RNGTT: variants seen among roughly 807,000 people sequenced by gnomAD.
RNGTT encodes RNA guanylyltransferase and 5'-phosphatase.
RNGTT carries 33 observed loss-of-function variants against 79.3 expected under a neutral mutation model. The observed-to-expected ratio is 0.42, with a 90% CI of 0.32 to 0.56. The LOEUF is 0.56. Ranked by LOEUF, RNGTT falls within the 20% of genes least tolerant of loss-of-function variation. RNGTT has a pLI of 0.17. For synonymous variants in RNGTT, 222 were observed against 235.9 expected, an observed-to-expected ratio of 0.94 and a Z score of 0.54; for missense variants, 497 against 739.1, an observed-to-expected ratio of 0.67 and a Z score of 3.80.
Position 88,614,275 on chromosome 6 carries a change from T to C in RNGTT, c.1627A>G (p.Met543Val), listed in dbSNP as rs774724568. 3.4e-5 allele frequency: 55 copies of C among 1,613,734 alleles called. No individual in the cohort carries two copies. Among genetic ancestry groups the C allele is most frequent in the Non-Finnish European group, 4.6e-5 (54 of 1,179,796 alleles). The stretch of plus-strand genomic sequence containing the variant: ...ACTGGTAAGTTGTCATACTCACCCA[T>C]GGCAGTGTTGTAGGCATTAGGAAAA... ...KSFPNAYNTA[M>V]AVCNSISNPV... The change falls in exon 15 of 16, where the codon ATG becomes GTG. Residue 543 changes from methionine (M) to valine (V), a missense_variant. Transcript: ENST00000369485.
At chr6:88,774,574 G>C (rs1362997808) in intron 12 of RNGTT, among the ~76,000 whole-genome samples, 1 of 152,128 alleles carries the variant, frequency 6.6e-6, no homozygotes, top group African/African-American at 2.4e-5. Flanking sequence ...GACAATACAA[G>C]TCTCCATCAA....
rs576644906 is a variant in RNGTT at position 88,714,604 on chromosome 6, G to A, written c.1440-36185C>T. 1.5e-4 allele frequency among the ~76,000 whole-genome samples: 18 copies of A among 121,668 alleles called. 1 individual carries two copies. The highest frequency in any genetic ancestry group is 3.8e-3 in the Middle Eastern group (1 of 260). The allele number at this position is 121,668 out of a possible 152,430, so 79.8% of individuals were successfully genotyped here. ...ACTACAGGCGCCCGCCACTACGCCC[G>A]GCTAATTTTTTGTATTTTTAGTAGA... is the stretch of plus-strand genomic sequence containing the variant. On this transcript the variant is annotated intron_variant, in intron 13 of 15. Coordinates refer to ENST00000369485, the MANE Select transcript of RNGTT (RefSeq NM_003800.5).
chr6:88,820,191 A>T (rs574570993), intron 11 of RNGTT, among the ~76,000 whole-genome samples: 1 of 152,276 alleles, frequency 6.6e-6, no homozygotes, highest in African/African-American at 2.4e-5. Context: ...AATTTTAACA[A>T]TATATTACTG....
intron 4 of RNGTT, among the ~76,000 whole-genome samples, chr6:88,917,650 G>T (rs1784039976): frequency 6.6e-6 from 1 of 152,202 alleles, no homozygotes; most frequent in South Asian, 2.1e-4. Flanking sequence ...ACTTTGGGAG[G>T]CTGAGGGTGG....
intron 12 of RNGTT, among the ~76,000 whole-genome samples, chr6:88,782,941 G>C (rs866311869): frequency 6.6e-6 from 1 of 152,144 alleles, no homozygotes; most frequent in Non-Finnish European, 1.5e-5. Context: ...GTATACTTCG[G>C]TGAGAATGTA....
At chr6:88,707,785 A>C (rs1457093184) in intron 13 of RNGTT, among the ~76,000 whole-genome samples, 1 of 151,282 alleles carries the variant, frequency 6.6e-6, no homozygotes, top group African/African-American at 2.4e-5. Context: ...ACTTTTTCCT[A>C]ATCTAGAGAG....
At chr6:88,944,867 C>G (rs1364850762) in intron 1 of RNGTT, among the ~76,000 whole-genome samples, 1 of 152,198 alleles carries the variant, frequency 6.6e-6, no homozygotes, top group Non-Finnish European at 1.5e-5. Context: ...GACTACATTC[C>G]TCAAAGGTAG....
At chr6:88,907,581 G>C (rs1047261175) in intron 4 of RNGTT, among the ~76,000 whole-genome samples, 2 of 152,028 alleles carry the variant, frequency 1.3e-5, no homozygotes, top group African/African-American at 2.4e-5. Flanking sequence ...ACCCATTCTC[G>C]AGTAGTATCT....
intron 12 of RNGTT, among the ~76,000 whole-genome samples, chr6:88,794,559 G>A (rs959815384): frequency 6.6e-6 from 1 of 152,080 alleles, no homozygotes; most frequent in African/African-American, 2.4e-5. Context: ...AGGAAGGAAA[G>A]GACTAATAAC....
chr6:88,693,570 A>G (rs554804350), intron 13 of RNGTT, among the ~76,000 whole-genome samples: 4 of 152,234 alleles, frequency 2.6e-5, no homozygotes, highest in African/African-American at 9.6e-5. Flanking sequence ...ACTCTTCCCA[A>G]AAATCCAAGA....
chr6:88,678,497 A>G (rs1033261238), intron 13 of RNGTT, 78 bp from the exon 14 acceptor site: 3 of 826,556 alleles, frequency 3.6e-6, no homozygotes, highest in Non-Finnish European at 4.9e-6. Context: ...AATTTGAATA[A>G]TAGATATAAT....
At chr6:88,875,866 T>C (rs1782503622) in intron 8 of RNGTT, among the ~76,000 whole-genome samples, 2 of 152,198 alleles carry the variant, frequency 1.3e-5, no homozygotes, top group African/African-American at 4.8e-5. Context: ...ATAAAATCTT[T>C]TAAGAAAAAA....
chr6:88,652,770 T>TGAA (rs1773844794), intron 14 of RNGTT, among the ~76,000 whole-genome samples: 1 of 152,148 alleles, frequency 6.6e-6, no homozygotes, highest in African/African-American at 2.4e-5. Context: ...GGTCTGGAGC[T>TGAA]TTCCTAAATG....
At chr6:88,629,976 A>G (rs1772786997) in intron 14 of RNGTT, among the ~76,000 whole-genome samples, 1 of 152,110 alleles carries the variant, frequency 6.6e-6, no homozygotes, top group Non-Finnish European at 1.5e-5. Flanking sequence ...AGAAATCACC[A>G]TGTGAGTCTT....
At chr6:88,785,927 G>T (rs1195665128) in intron 12 of RNGTT, among the ~76,000 whole-genome samples, 1 of 151,944 alleles carries the variant, frequency 6.6e-6, no homozygotes, top group Non-Finnish European at 1.5e-5. Context: ...ATAAAATCAA[G>T]CTGAACCACC....
rs769994669 is a variant in RNGTT at position 88,853,586 on chromosome 6, A to T, written c.1032+43T>A. On this transcript the variant is annotated intron_variant, in intron 9 of 15. Transcript: ENST00000369485. ...CACATTTACTTACAAGGAAAAGAAA[A>T]ATGGCAATGTTTAATTTTATAGTAT... 5.3e-6 allele frequency: 7 copies of T among 1,332,354 alleles called. No homozygotes were observed. The East Asian group carries it at 1.8e-4, about 33-fold the overall frequency. 82.5% of individuals were successfully genotyped at this position (1,332,354 alleles called of 1,614,324 possible).
chr6:88,649,990 A>C (rs1311725201), intron 14 of RNGTT, among the ~76,000 whole-genome samples: 1 of 152,112 alleles, frequency 6.6e-6, no homozygotes, highest in African/African-American at 2.4e-5. Flanking sequence ...CCAAACTATA[A>C]TTTTTCATGA....
chr6:88,644,022 T>C (rs1469715381), intron 14 of RNGTT, among the ~76,000 whole-genome samples: 3 of 151,742 alleles, frequency 2.0e-5, no homozygotes, highest in Non-Finnish European at 4.4e-5. Context: ...CTGAAGGAGA[T>C]AGAGACAAAA....
chr6:88,741,424 A>G (rs1357737325), intron 13 of RNGTT, among the ~76,000 whole-genome samples: 1 of 152,016 alleles, frequency 6.6e-6, no homozygotes, highest in Non-Finnish European at 1.5e-5. Flanking sequence ...ACCATAGACA[A>G]TGGGGGACTC....
Sources: allele counts gnomAD v4.1 joint callset (sites outside exome capture counted in the v4.1 genomes callset), GRCh38; gene constraint gnomAD v4.1.1; transcripts MANE v1.5; gene names NCBI Gene and HGNC (gene_info 2026-07-23, HGNC 2026-07-21).